ZFYVE9: variants seen among roughly 807,000 people sequenced by gnomAD.
ZFYVE9 encodes zinc finger FYVE-type containing 9, also known as zinc finger FYVE domain-containing protein 9.
ZFYVE9 carries 43 observed loss-of-function variants against 126.7 expected under a neutral mutation model. That is an observed-to-expected ratio of 0.34 (90% confidence interval 0.27 to 0.44). The LOEUF (loss-of-function observed/expected upper bound fraction) is 0.44. ZFYVE9 is among the 20% of genes least tolerant of loss of function. The pLI, the probability that ZFYVE9 is intolerant of heterozygous loss-of-function variation, is 1.00. For synonymous variants in ZFYVE9, 521 were observed against 597.4 expected, an observed-to-expected ratio of 0.87 and a Z score of 1.87; for missense variants, 1,476 against 1,697.0, an observed-to-expected ratio of 0.87 and a Z score of 2.29.
At chr1:52,225,034 G>A (rs1034410710) in intron 2 of ZFYVE9, among the ~76,000 whole-genome samples, 17 of 152,108 alleles carry the variant, frequency 1.1e-4, no homozygotes, top group African/African-American at 1.9e-4. Context: ...CCACAGAACC[G>A]AGTCCGGACT....
intron 1 of ZFYVE9, among the ~76,000 whole-genome samples, chr1:52,208,562 C>T (rs1001014016): frequency 6.0e-5 from 9 of 149,458 alleles, no homozygotes; most frequent in East Asian, 2.0e-4. Flanking sequence ...AGTGCAATGG[C>T]GTGATCTTGG....
rs752169095 is a variant in ZFYVE9, at chr1:52,332,962, A to G, written c.3589+44A>G. 4 of 1,612,264 alleles carry G rather than the reference A, an allele frequency of 2.5e-6. No individual in the cohort carries two copies. The African/African-American group carries it at 5.3e-5, about 22-fold the overall frequency. The stretch of plus-strand genomic sequence containing the variant: ...TGAGATTATGATAATGGAAAATTAT[A>G]CTGGACTTGGACAGTTAGATACCTC... On this transcript the variant is annotated intron_variant, in intron 14 of 18. Coordinates refer to ENST00000287727, the MANE Select transcript of ZFYVE9 (RefSeq NM_004799.4).
chr1:52,325,372 TAG>T (rs1435244986), intron 13 of ZFYVE9, among the ~76,000 whole-genome samples: 1 of 151,850 alleles, frequency 6.6e-6, no homozygotes, highest in Non-Finnish European at 1.5e-5. Context: ...ATAAAAGAAT[TAG>T]CCAGGTGTGG....
intron 1 of ZFYVE9, chr1:52,162,349 A>G: frequency 2.6e-6 from 1 of 382,270 alleles, no homozygotes; most frequent in East Asian, 6.6e-5. Flanking sequence ...GACCACCTCC[A>G]CTGCCGCCTT....
At chr1:52,331,356 A>G (rs1481635386) in intron 13 of ZFYVE9, among the ~76,000 whole-genome samples, 1 of 152,064 alleles carries the variant, frequency 6.6e-6, no homozygotes, top group South Asian at 2.1e-4. Context: ...ATGTGCCTAT[A>G]TAATCCCAGC....
At chr1:52,168,422 G>C (rs1048019390) in intron 1 of ZFYVE9, among the ~76,000 whole-genome samples, 3 of 151,536 alleles carry the variant, frequency 2.0e-5, no homozygotes, top group Non-Finnish European at 4.4e-5. Flanking sequence ...TCACCGTATT[G>C]GTCAGGCTGG....
At chr1:52,190,820 G>T (rs1462277990) in intron 1 of ZFYVE9, among the ~76,000 whole-genome samples, 3 of 152,142 alleles carry the variant, frequency 2.0e-5, no homozygotes, top group Non-Finnish European at 4.4e-5. Flanking sequence ...TTCCCTAGAA[G>T]AATTTGTGTC....
Position 52,238,611 on chromosome 1 carries a change from C to T in ZFYVE9, c.1194C>T (p.Asp398=), listed in dbSNP as rs761800692. The T allele has an allele frequency of 1.1e-5, 18 of 1,614,028 alleles. No individual in the cohort carries two copies. Among genetic ancestry groups the T allele is most frequent in the Non-Finnish European group, 1.5e-5 (18 of 1,179,964 alleles). The part of the protein sequence containing the change: ...NMTEHFSESQ[D]MTNWKLTKLN... The stretch of plus-strand genomic sequence containing the variant: ...CAGAGCATTTCTCTGAATCTCAGGA[C>T]ATGACTAATTGGAAGTTGACTAAAC... The change falls in exon 4 of 19, where the codon GAC becomes GAT. Residue 398 remains aspartate, a synonymous_variant. Transcript: ENST00000287727.
chr1:52,252,876 C>T lies in ZFYVE9; in HGVS notation c.2179-10897C>T. 9.4e-6 allele frequency: 2 copies of T among 213,440 alleles called. 1 individual carries two copies. The highest frequency in any genetic ancestry group is 2.9e-3 in the Middle Eastern group (2 of 694). 13.2% of individuals were successfully genotyped at this position (213,440 alleles called of 1,614,324 possible). On this transcript the variant is annotated intron_variant, in intron 4 of 18. Transcript: ENST00000287727. ...CAGAGAGTGACACAGGCACCGATGG[C>T]AAGCACAATACACTGGATTATAATT...
At chr1:52,167,150 T>C (rs1259153714) in intron 1 of ZFYVE9, among the ~76,000 whole-genome samples, 1 of 152,196 alleles carries the variant, frequency 6.6e-6, no homozygotes, top group Non-Finnish European at 1.5e-5. Flanking sequence ...AGGATTGCTA[T>C]AGTTTAGGCC....
chr1:52,323,004 C>T (rs1646255956), intron 13 of ZFYVE9, among the ~76,000 whole-genome samples: 2 of 152,142 alleles, frequency 1.3e-5, no homozygotes, highest in Admixed American at 6.5e-5. Context: ...CAGGGTTTCA[C>T]CGTGTTAGCC....
At chr1:52,191,712 A>G (rs889036693) in intron 1 of ZFYVE9, among the ~76,000 whole-genome samples, 2 of 152,208 alleles carry the variant, frequency 1.3e-5, no homozygotes, top group African/African-American at 2.4e-5. Flanking sequence ...TTTGGCTCCA[A>G]CAATCCTGCA....
At chr1:52,297,326 C>T (rs1645987037) in intron 12 of ZFYVE9, among the ~76,000 whole-genome samples, 1 of 151,716 alleles carries the variant, frequency 6.6e-6, no homozygotes, top group African/African-American at 2.4e-5. Flanking sequence ...CAACCTCTGC[C>T]TCCCAGGTTC....
chr1:52,261,837 A>G (rs1454660547), intron 4 of ZFYVE9, among the ~76,000 whole-genome samples: 4 of 152,222 alleles, frequency 2.6e-5, no homozygotes, highest in Non-Finnish European at 5.9e-5. Context: ...ACAGGACTTA[A>G]TGACTGACTG....
chr1:52,238,430 C>T lies in ZFYVE9; in HGVS notation c.1013C>T (p.Pro338Leu). ...TTEESLRSGL[P>L]LLLKPDMPNG... Reference sequence around the variant, plus strand: ...GAAGAATCCCTCCGGTCTGGTTTACCTTTGCTTCTCAAACCAGACATGCCT... The same window carrying T: ...GAAGAATCCCTCCGGTCTGGTTTACTTTTGCTTCTCAAACCAGACATGCCT... Residue 338 changes from proline to leucine, a missense_variant, in exon 4 of 19, where the codon CCT becomes CTT. By Grantham distance (98) the Pro-to-Leu change is moderately conservative. This residue lies in a region of ZFYVE9 where 807 missense variants were observed against 794.6 expected (regional missense o/e 1.02). Coordinates refer to ENST00000287727, the MANE Select transcript of ZFYVE9 (RefSeq NM_004799.4). 3 of 1,614,064 alleles carry T rather than the reference C, an allele frequency of 1.9e-6. No homozygotes were observed. The highest frequency in any genetic ancestry group is 2.5e-6 in the Non-Finnish European group (3 of 1,179,962).
intron 4 of ZFYVE9, among the ~76,000 whole-genome samples, chr1:52,257,158 G>C (rs1458286323): frequency 6.6e-6 from 1 of 152,156 alleles, no homozygotes; most frequent in Non-Finnish European, 1.5e-5. Flanking sequence ...TATGTGGAAA[G>C]CCTGTAGTGG....
At chr1:52,284,565 G>A (rs909814020) in intron 10 of ZFYVE9, among the ~76,000 whole-genome samples, 2 of 151,830 alleles carry the variant, frequency 1.3e-5, no homozygotes, top group Admixed American at 1.3e-4. Flanking sequence ...GACTACAGGC[G>A]CCCGCCACCA....
At chr1:52,197,121 A>G (rs1328512485) in intron 1 of ZFYVE9, among the ~76,000 whole-genome samples, 1 of 152,192 alleles carries the variant, frequency 6.6e-6, no homozygotes, top group African/African-American at 2.4e-5. Context: ...TGAAGATAGT[A>G]TTTCAGTAAT....
rs777641967 is a variant in ZFYVE9, at chr1:52,238,919, C to G, written c.1502C>G (p.Ser501Ter). 1 of 1,613,820 alleles carries G rather than the reference C, an allele frequency of 6.2e-7. No homozygotes were observed. The highest frequency in any genetic ancestry group is 1.1e-5 in the South Asian group (1 of 91,036). The change falls in exon 4 of 19, where the codon TCA (serine) becomes TGA (stop). Residue 501 changes from serine (S) to a stop codon, truncating the protein, a stop_gained. Transcript: ENST00000287727. LOFTEE classifies it high-confidence loss of function. ...VPKTLPSKED[S>*]VTEEKEIEES... Reference sequence around the variant, plus strand: ...AAGACTTTACCCTCCAAAGAAGATTCAGTAACAGAAGAAAAAGAAATAGAG... The same window carrying G: ...AAGACTTTACCCTCCAAAGAAGATTGAGTAACAGAAGAAAAAGAAATAGAG...
Sources: allele counts gnomAD v4.1 joint callset (sites outside exome capture counted in the v4.1 genomes callset), GRCh38; gene constraint gnomAD v4.1.1; regional missense constraint gnomAD v4.1.1; transcripts MANE v1.5; gene names NCBI Gene and HGNC (gene_info 2026-07-23, HGNC 2026-07-21).